Variants in RETREG1 observed in about 807,000 individuals in gnomAD.
RETREG1 encodes the protein family with sequence similarity 134 member B.
In RETREG1, 44 loss-of-function variants were observed where a neutral mutation model predicts 54.8. The ratio of observed to expected loss-of-function variants is 0.80; its 90% CI spans 0.63 to 1.03. RETREG1 has a LOEUF of 1.03. Ranked by LOEUF, RETREG1 falls within the 50% of genes least tolerant of loss-of-function variation. The pLI, the probability that RETREG1 is intolerant of heterozygous loss-of-function variation, is 0.00. For synonymous variants in RETREG1, 217 were observed against 238.5 expected (o/e 0.91, Z 0.83); for missense variants, 554 against 605.1 (o/e 0.92, Z 0.89).
chr5:16,551,136 C>T (rs1018319696), intron 3 of RETREG1, among the ~76,000 whole-genome samples: 9 of 152,126 alleles, frequency 5.9e-5, no homozygotes, highest in South Asian at 2.1e-4. Flanking sequence ...ACTCTTTTCC[C>T]GGTCACTGTT....
chr5:16,614,247 T>C (rs544690871), intron 1 of RETREG1, among the ~76,000 whole-genome samples: 13 of 52,232 alleles, frequency 2.5e-4, no homozygotes, highest in African/African-American at 1.1e-3. Flanking sequence ...GAAAACATCA[T>C]AGAAAAAAGT....
rs551397146 is a variant in RETREG1 at position 16,611,957 on chromosome 5, C to T, written c.320+4695G>A. On this transcript the variant is annotated intron_variant, in intron 1 of 8. Transcript: ENST00000306320. ...GCATGTGCCTGTAGTCCCAGCTACT[C>T]GGGAGGCTGAGGCAGGAGAATCGCT... Among the ~76,000 whole-genome samples, 67 of 150,764 alleles carry T rather than the reference C, an allele frequency of 4.4e-4. 1 individual carries two copies. In the South Asian group the frequency reaches 0.013, roughly 30 times the overall value.
At chr5:16,590,970 C>G (rs1054745112) in intron 1 of RETREG1, among the ~76,000 whole-genome samples, 1 of 152,174 alleles carries the variant, frequency 6.6e-6, no homozygotes, top group African/African-American at 2.4e-5. Context: ...TGCACACACA[C>G]ACATATTTGC....
At chr5:16,560,522 C>T (rs1381161401) in intron 3 of RETREG1, among the ~76,000 whole-genome samples, 1 of 152,118 alleles carries the variant, frequency 6.6e-6, no homozygotes, top group African/African-American at 2.4e-5. Context: ...TGAGATCTAG[C>T]CCAATGAAGA....
At chr5:16,494,864 G>A (rs983180220) in intron 3 of RETREG1, among the ~76,000 whole-genome samples, 3 of 152,194 alleles carry the variant, frequency 2.0e-5, no homozygotes, top group Non-Finnish European at 4.4e-5. Flanking sequence ...AGTTTGGAGA[G>A]CTCAAAAGAA....
chr5:16,567,213 G>A (rs1742036397), intron 2 of RETREG1, among the ~76,000 whole-genome samples: 1 of 152,182 alleles, frequency 6.6e-6, no homozygotes, highest in Non-Finnish European at 1.5e-5. Flanking sequence ...AAGAGACTTA[G>A]CAGGGAAAGA....
chr5:16,599,614 C>A (rs1429152415), intron 1 of RETREG1, among the ~76,000 whole-genome samples: 1 of 152,132 alleles, frequency 6.6e-6, no homozygotes, highest in Non-Finnish European at 1.5e-5. Flanking sequence ...TGAGCACCTA[C>A]CATATACCAC....
At chr5:16,510,258 C>G (rs1045406671) in intron 3 of RETREG1, among the ~76,000 whole-genome samples, 4 of 152,034 alleles carry the variant, frequency 2.6e-5, no homozygotes, top group Non-Finnish European at 4.4e-5. Flanking sequence ...TTACGCAAGA[C>G]CTAACATTTT....
chr5:16,509,735 G>A (rs1397660742), intron 3 of RETREG1, among the ~76,000 whole-genome samples: 1 of 152,132 alleles, frequency 6.6e-6, no homozygotes, highest in Non-Finnish European at 1.5e-5. Context: ...TGTGGCTCAC[G>A]CCTGTAATCC....
At chr5:16,580,891 T>C (rs1579704795) in intron 1 of RETREG1, among the ~76,000 whole-genome samples, 1 of 152,134 alleles carries the variant, frequency 6.6e-6, no homozygotes, top group African/African-American at 2.4e-5. Context: ...ATCCCCAAGA[T>C]ATTGCAACTT....
intron 3 of RETREG1, among the ~76,000 whole-genome samples, chr5:16,511,734 G>C (rs938761141): frequency 2.6e-5 from 4 of 152,166 alleles, no homozygotes; most frequent in Non-Finnish European, 5.9e-5. Context: ...GGCTGTACAG[G>C]AAGCATGGCT....
chr5:16,537,351 A>C (rs573344028), intron 3 of RETREG1, among the ~76,000 whole-genome samples: 1 of 152,294 alleles, frequency 6.6e-6, no homozygotes, highest in African/African-American at 2.4e-5. Flanking sequence ...ACTCCTCTCC[A>C]CTGCCTGGAA....
intron 1 of RETREG1, among the ~76,000 whole-genome samples, chr5:16,614,679 A>T (rs1743442007): frequency 6.6e-6 from 1 of 152,228 alleles, no homozygotes; most frequent in African/African-American, 2.4e-5. Flanking sequence ...AAGTTCTCTA[A>T]AATACTTGCA....
At chr5:16,495,385 A>G (rs1739411157) in intron 3 of RETREG1, among the ~76,000 whole-genome samples, 1 of 152,224 alleles carries the variant, frequency 6.6e-6, no homozygotes, top group African/African-American at 2.4e-5. Flanking sequence ...CCCCATTGTC[A>G]AAGGCATTTC....
At chr5:16,533,535 TGAA>T (rs1321552773) in intron 3 of RETREG1, among the ~76,000 whole-genome samples, 3 of 152,074 alleles carry the variant, frequency 2.0e-5, no homozygotes, top group Admixed American at 6.6e-5. Context: ...TGCTCAGGAA[TGAA>T]GAAGAACTTT....
At chr5:16,576,966 ATTACT>A (rs772254587) in intron 1 of RETREG1, among the ~76,000 whole-genome samples, 2 of 152,200 alleles carry the variant, frequency 1.3e-5, no homozygotes, top group South Asian at 2.1e-4. Flanking sequence ...CATCTAAAAA[ATTACT>A]TTAATTCTTA....
chr5:16,482,978 A>AC (rs1277231600), intron 4 of RETREG1: 5 of 188,694 alleles, frequency 2.6e-5, no homozygotes, highest in African/African-American at 1.2e-4. Flanking sequence ...AAGCACAGTC[A>AC]AAGAACTATG....
chr5:16,591,295 T>C (rs1742766476), intron 1 of RETREG1, among the ~76,000 whole-genome samples: 1 of 152,042 alleles, frequency 6.6e-6, no homozygotes, highest in Non-Finnish European at 1.5e-5. Context: ...AGTGAAACGT[T>C]CCATATCTTC....
In RETREG1 at chr5:16,491,271, C is replaced by T. The variant is rs1255585422; in HGVS notation, c.459-7799G>A. Among the ~76,000 whole-genome samples the T allele has an allele frequency of 3.9e-5, 6 of 152,176 alleles. No individual in the cohort carries two copies. The South Asian group carries it at 6.2e-4, about 16-fold the overall frequency. On this transcript the variant is annotated intron_variant, in intron 3 of 8. Coordinates refer to ENST00000306320, the MANE Select transcript of RETREG1 (RefSeq NM_001034850.3). ...GAAACACAGCAGATCTCCTGGTTAC[C>T]GACCACGACCGTCGCATCTGGTAAC... is the stretch of plus-strand genomic sequence containing the variant.
Sources: gnomAD v4.1 joint callset for allele counts (sites outside exome capture counted in the v4.1 genomes callset) on GRCh38, gnomAD v4.1.1 for gene constraint, MANE v1.5 for transcripts, NCBI Gene and HGNC (gene_info 2026-07-23, HGNC 2026-07-21) for gene names.